GRM7: variants seen among roughly 807,000 people sequenced by gnomAD.
GRM7 encodes the protein glutamate metabotropic receptor 7.
A neutral mutation model predicts 84.5 loss-of-function variants in GRM7; 35 were observed. That is an observed-to-expected ratio of 0.41 (90% CI 0.32 to 0.55). The LOEUF (loss-of-function observed/expected upper bound fraction) is 0.55, where lower values mean the gene tolerates loss of function less well. Among genes scored for constraint, GRM7 ranks in the 20% least tolerant of loss-of-function variants. The pLI, the probability that GRM7 is intolerant of heterozygous loss-of-function variation, is 0.19. For synonymous variants in GRM7, 487 were observed against 455.1 expected (o/e 1.07, Z -0.89); for missense variants, 1,003 against 1,194.6 (o/e 0.84, Z 2.36).
intron 1 of GRM7, among the ~76,000 whole-genome samples, chr3:7,057,988 CTT>C (rs1478753238): frequency 3.3e-5 from 5 of 151,876 alleles, no homozygotes; most frequent in Non-Finnish European, 7.4e-5. Flanking sequence ...TTCAGATAGT[CTT>C]TGATCAGTTT....
chr3:6,908,537 C>G (rs1245179034), intron 1 of GRM7, among the ~76,000 whole-genome samples: 1 of 152,064 alleles, frequency 6.6e-6, no homozygotes, highest in Non-Finnish European at 1.5e-5. Flanking sequence ...GTGGTGATGC[C>G]AACACCAGAA....
chr3:6,881,366 C>T (rs1219301010), intron 1 of GRM7, among the ~76,000 whole-genome samples: 1 of 152,104 alleles, frequency 6.6e-6, no homozygotes, highest in Non-Finnish European at 1.5e-5. Context: ...TGTTCAGCTC[C>T]CATTTATAAG....
chr3:7,107,582 G>T (rs931298770), intron 1 of GRM7, among the ~76,000 whole-genome samples: 1 of 152,034 alleles, frequency 6.6e-6, no homozygotes, highest in Non-Finnish European at 1.5e-5. Flanking sequence ...CAAAACAGAT[G>T]CTGGGATAAA....
chr3:7,107,859 C>A (rs1365896139), intron 1 of GRM7, among the ~76,000 whole-genome samples: 1 of 151,846 alleles, frequency 6.6e-6, no homozygotes, highest in Non-Finnish European at 1.5e-5. Flanking sequence ...CTTTTAGTAT[C>A]CTGGTTTAAG....
At chr3:7,011,952 G>A (rs533666961) in intron 1 of GRM7, among the ~76,000 whole-genome samples, 131 of 152,140 alleles carry the variant, frequency 8.6e-4, no homozygotes, top group Non-Finnish European at 1.3e-3. Flanking sequence ...GCAAATGAAG[G>A]TTCCTAGAAG....
At chr3:7,441,317 G>C (rs1697277249) in intron 5 of GRM7, among the ~76,000 whole-genome samples, 1 of 151,922 alleles carries the variant, frequency 6.6e-6, no homozygotes, top group Non-Finnish European at 1.5e-5. Flanking sequence ...CGTGTCCTTT[G>C]CCCACTTTTT....
At chr3:7,006,842 G>A (rs966426473) in intron 1 of GRM7, among the ~76,000 whole-genome samples, 5 of 152,170 alleles carry the variant, frequency 3.3e-5, no homozygotes, top group Non-Finnish European at 5.9e-5. Flanking sequence ...CACCTACTAT[G>A]TGTTAGAATC....
At chr3:6,945,984 G>A (rs79989763) in intron 1 of GRM7, among the ~76,000 whole-genome samples, 11,051 of 152,102 alleles carry the variant, frequency 0.073, 553 homozygotes, top group Non-Finnish European at 0.11. Flanking sequence ...AGTAGGTTGC[G>A]AAAATTTTCT....
chr3:7,346,229 C>T (rs1692888857), intron 4 of GRM7, among the ~76,000 whole-genome samples: 1 of 152,104 alleles, frequency 6.6e-6, no homozygotes, highest in Admixed American at 6.6e-5. Flanking sequence ...GTATTGATCT[C>T]AGATTTTAAC....
intron 8 of GRM7, among the ~76,000 whole-genome samples, chr3:7,619,595 G>A (rs1697264994): frequency 6.6e-6 from 1 of 152,132 alleles, no homozygotes; most frequent in Admixed American, 6.6e-5. Flanking sequence ...TGCAAGGATA[G>A]TTGTTAACTG....
chr3:7,696,843 A>G (rs376861057), intron 9 of GRM7, among the ~76,000 whole-genome samples: 1 of 152,324 alleles, frequency 6.6e-6, no homozygotes, highest in African/African-American at 2.4e-5. Flanking sequence ...AATGTTTTAC[A>G]TTAGCTAGAG....
At chr3:6,936,089 T>C (rs937834079) in intron 1 of GRM7, among the ~76,000 whole-genome samples, 6 of 152,114 alleles carry the variant, frequency 3.9e-5, no homozygotes, top group Non-Finnish European at 8.8e-5. Flanking sequence ...CTCGGTGACT[T>C]TCCCAGCACC....
At chr3:7,526,493 A>G (rs1315583734) in intron 7 of GRM7, among the ~76,000 whole-genome samples, 3 of 151,818 alleles carry the variant, frequency 2.0e-5, no homozygotes, top group African/African-American at 7.3e-5. Context: ...TGTTTACTCC[A>G]TTGGTGGTTT....
chr3:7,738,138 C>G (rs1379753496), intron 9 of GRM7, among the ~76,000 whole-genome samples: 1 of 152,138 alleles, frequency 6.6e-6, no homozygotes, highest in Non-Finnish European at 1.5e-5. Context: ...CATGAGCAAC[C>G]ATACCCGGCC....
intron 9 of GRM7, chr3:7,691,476 G>A (rs930424979): frequency 3.8e-6 from 1 of 266,428 alleles, no homozygotes; most frequent in Non-Finnish European, 7.5e-6. Context: ...CTCTGATTGT[G>A]GATAAGTTTC....
At chr3:6,927,143 T>C (rs1697326252) in intron 1 of GRM7, among the ~76,000 whole-genome samples, 1 of 152,012 alleles carries the variant, frequency 6.6e-6, no homozygotes, top group African/African-American at 2.4e-5. Flanking sequence ...GTTAGAAAAA[T>C]GAAGCTGGGC....
At chr3:6,917,456 C>A (rs568985031) in intron 1 of GRM7, among the ~76,000 whole-genome samples, 31 of 148,566 alleles carry the variant, frequency 2.1e-4, no homozygotes, top group African/African-American at 7.4e-4. Context: ...TAAAATAGCA[C>A]CTAGGAAAAC....
intron 8 of GRM7, among the ~76,000 whole-genome samples, chr3:7,621,276 G>A (rs17047734): frequency 0.097 from 14,761 of 152,098 alleles, 1,014 homozygotes; most frequent in African/African-American, 0.18. Flanking sequence ...ATGCTGTGGA[G>A]AGTCGAGAAT....
chr3:7,007,906 CATT>C, intron 1 of GRM7, among the ~76,000 whole-genome samples: 1 of 152,250 alleles, frequency 6.6e-6, no homozygotes, highest in African/African-American at 2.4e-5. Flanking sequence ...ACACCAGGGA[CATT>C]TGGTTCTTGG....
Sources: allele counts gnomAD v4.1 joint callset (sites outside exome capture counted in the v4.1 genomes callset), GRCh38; gene constraint gnomAD v4.1.1; transcripts MANE v1.5; gene names NCBI Gene and HGNC (gene_info 2026-07-23, HGNC 2026-07-21).